Variants in TBC1D32 observed in about 807,000 individuals in gnomAD.
TBC1D32 encodes the protein protein broad-minded.
Under a neutral mutation model 170.3 loss-of-function variants are expected in TBC1D32, and 151 were observed. That is an observed-to-expected ratio of 0.89 (90% CI 0.78 to 1.01). The LOEUF (loss-of-function observed/expected upper bound fraction) is 1.01. Ranked by LOEUF, TBC1D32 falls within the 50% of genes least tolerant of loss-of-function variation. The pLI is 0.00. For missense variants in TBC1D32, 1,464 were observed against 1,457.1 expected, an observed-to-expected ratio of 1.00 and a Z score of -0.08; for synonymous variants, 498 against 488.0, an observed-to-expected ratio of 1.02 and a Z score of -0.27.
At chr6:121,288,027 C>G (rs1416987918) in intron 12 of TBC1D32, among the ~76,000 whole-genome samples, 1 of 152,156 alleles carries the variant, frequency 6.6e-6, no homozygotes, top group Admixed American at 6.6e-5. Context: ...ATTTATAGCT[C>G]TAAATGCCCA....
rs117744211 is a variant in TBC1D32, at chr6:121,179,765, A to G, written c.2571-18709T>C. ...CTGCACTAATAATCTAATCTAACAG[A>G]CACTTATCACTACTTATCAAGTGCT... On this transcript the variant is annotated intron_variant, in intron 22 of 31. Transcript: ENST00000398212. Among the ~76,000 whole-genome samples, 1,030 of 152,290 alleles carry G rather than the reference A, an allele frequency of 6.8e-3. 27 individuals carry two copies. Among genetic ancestry groups the G allele is most frequent in the East Asian group, 0.041 (215 of 5,184 alleles).
At chr6:121,275,090 T>C (rs1802037448) in intron 15 of TBC1D32, among the ~76,000 whole-genome samples, 1 of 152,166 alleles carries the variant, frequency 6.6e-6, no homozygotes, top group African/African-American at 2.4e-5. Flanking sequence ...AAACATTAAA[T>C]AAGTCGATTG....
At chr6:121,142,248 T>C (rs1782887712) in intron 24 of TBC1D32, among the ~76,000 whole-genome samples, 1 of 152,260 alleles carries the variant, frequency 6.6e-6, no homozygotes, top group South Asian at 2.1e-4. Flanking sequence ...AGACTTGGCA[T>C]GAATGTTTAT....
chr6:121,153,383 C>G (rs530681051), intron 24 of TBC1D32, among the ~76,000 whole-genome samples: 2 of 152,270 alleles, frequency 1.3e-5, no homozygotes, highest in African/African-American at 4.8e-5. Context: ...CCCAGAGGGG[C>G]ACCCACCAGA....
chr6:121,150,792 T>C (rs968270854), intron 24 of TBC1D32, among the ~76,000 whole-genome samples: 1 of 152,250 alleles, frequency 6.6e-6, no homozygotes, highest in East Asian at 1.9e-4. Context: ...TATTTGCATA[T>C]AAGTGTTTAT....
At chr6:121,256,334 T>A (rs893719204) in intron 15 of TBC1D32, 49 bp from the exon 16 acceptor site, 1 of 1,469,386 alleles carries the variant, frequency 6.8e-7, no homozygotes, top group Non-Finnish European at 9.3e-7. Context: ...TAATCTTGAC[T>A]TCATAAAGCT....
chr6:121,283,782 T>C (rs1382029676), intron 13 of TBC1D32, 36 bp downstream of exon 13: 3 of 1,459,148 alleles, frequency 2.1e-6, no homozygotes, highest in East Asian at 4.7e-5. Context: ...TTTTAGATGT[T>C]TTATATTTCT....
intron 22 of TBC1D32, among the ~76,000 whole-genome samples, chr6:121,186,715 A>G (rs1301557203): frequency 6.6e-6 from 1 of 152,034 alleles, no homozygotes; most frequent in Non-Finnish European, 1.5e-5. Context: ...CTGTAGGTTA[A>G]AGGATATGAA....
At chr6:121,312,014 C>T (rs1808284582) in intron 3 of TBC1D32, among the ~76,000 whole-genome samples, 1 of 152,166 alleles carries the variant, frequency 6.6e-6, no homozygotes, top group Non-Finnish European at 1.5e-5. Context: ...CCATGGAATA[C>T]TACGCAGCCA....
chr6:121,270,290 C>A, intron 15 of TBC1D32, among the ~76,000 whole-genome samples: 1 of 151,684 alleles, frequency 6.6e-6, no homozygotes, highest in Non-Finnish European at 1.5e-5. Context: ...GATAGAGACA[C>A]AAAAAAACCC....
intron 22 of TBC1D32, among the ~76,000 whole-genome samples, chr6:121,162,742 G>A (rs1034026399): frequency 6.6e-6 from 1 of 151,334 alleles, no homozygotes; most frequent in East Asian, 2.0e-4. Context: ...AATAGGAACA[G>A]CTCCAGTCTA....
intron 30 of TBC1D32, among the ~76,000 whole-genome samples, chr6:121,102,785 C>G (rs369594562): frequency 3.9e-5 from 6 of 152,048 alleles, no homozygotes; most frequent in African/African-American, 1.4e-4. Context: ...AAGAAACTAC[C>G]ATCAGAGTGA....
intron 31 of TBC1D32, among the ~76,000 whole-genome samples, chr6:121,088,813 C>G (rs986516143): frequency 6.6e-6 from 1 of 152,168 alleles, no homozygotes; most frequent in Admixed American, 6.5e-5. Flanking sequence ...TTTAAACCAA[C>G]GCTATTCAAA....
At chr6:121,161,078 C>T (rs1785565952) in intron 22 of TBC1D32, 22 bp from the exon 23 acceptor site, 3 of 1,532,152 alleles carry the variant, frequency 2.0e-6, no homozygotes, top group Non-Finnish European at 2.7e-6. Context: ...AATATATCAC[C>T]TTTGTCATCC....
chr6:121,318,528 A>G (rs1809244973), intron 2 of TBC1D32, among the ~76,000 whole-genome samples: 2 of 152,024 alleles, frequency 1.3e-5, no homozygotes, highest in Non-Finnish European at 2.9e-5. Flanking sequence ...AAAAGGCATA[A>G]AGATGTAAGT....
At chr6:121,144,068 T>A (rs375633365) in intron 24 of TBC1D32, among the ~76,000 whole-genome samples, 1 of 152,180 alleles carries the variant, frequency 6.6e-6, no homozygotes, top group African/African-American at 2.4e-5. Flanking sequence ...ATCACTCTTA[T>A]TATGAGGAAG....
chr6:121,189,460 GTTAATA>G (rs1265836515), intron 22 of TBC1D32, among the ~76,000 whole-genome samples: 1 of 150,044 alleles, frequency 6.7e-6, no homozygotes, highest in African/African-American at 2.4e-5. Flanking sequence ...TATTATTATA[GTTAATA>G]TTAATGTTCA....
chr6:121,285,590 C>T (rs1042384473), intron 12 of TBC1D32, among the ~76,000 whole-genome samples: 7 of 152,070 alleles, frequency 4.6e-5, no homozygotes, highest in Admixed American at 3.9e-4. Context: ...GCGTGAGCGA[C>T]GCAGAAGACG....
intron 24 of TBC1D32, among the ~76,000 whole-genome samples, chr6:121,136,375 G>C (rs1196996399): frequency 6.6e-6 from 1 of 152,136 alleles, no homozygotes; most frequent in Non-Finnish European, 1.5e-5. Context: ...TAATCTTATA[G>C]CAGTGGTTCT....
Sources: allele counts gnomAD v4.1 joint callset (sites outside exome capture counted in the v4.1 genomes callset), GRCh38; gene constraint gnomAD v4.1.1; transcripts MANE v1.5; gene names NCBI Gene and HGNC (gene_info 2026-07-23, HGNC 2026-07-21).